The following GATAD2A variants were observed in gnomAD, a reference collection of about 807,000 sequenced individuals.
GATAD2A encodes the protein GATA zinc finger domain containing 2A, also known as transcriptional repressor p66-alpha.
Under a neutral mutation model 68.5 loss-of-function variants are expected in GATAD2A, and 12 were observed. That is an observed-to-expected ratio of 0.18 (90% CI 0.11 to 0.28). The LOEUF (loss-of-function observed/expected upper bound fraction) is 0.28. Among genes scored for constraint, GATAD2A ranks in the 10% least tolerant of loss-of-function variants. GATAD2A has a pLI of 1.00. For synonymous variants in GATAD2A, 410 were observed against 375.3 expected (o/e 1.09, Z -1.07); for missense variants, 755 against 868.5 (o/e 0.87, Z 1.64).
In GATAD2A at chr19:19,498,551, C is replaced by T; in HGVS notation, c.1033C>T (p.Gln345Ter). 1 of 1,613,934 alleles carries T rather than the reference C, an allele frequency of 6.2e-7. No individual in the cohort carries two copies. Among genetic ancestry groups the T allele is most frequent in the Non-Finnish European group, 8.5e-7 (1 of 1,180,016 alleles). The part of the protein sequence containing the change: ...VTSAESPASR[Q>*]AAAKLALRKQ... ...CTCTGCCGAGTCTCCAGCAAGCCGA[C>T]AGGCGGCCGCCAAGCTGGCGCTGCG... The change falls in exon 8 of 12, where the codon CAG (glutamine) becomes TAG (stop). Residue 345 changes from glutamine (Q) to a stop codon, truncating the protein, a stop_gained. Transcript: ENST00000683918. LOFTEE classifies it high-confidence loss of function.
intron 1 of GATAD2A, among the ~76,000 whole-genome samples, chr19:19,456,519 G>A (rs892886683): frequency 2.6e-5 from 4 of 152,274 alleles, no homozygotes; most frequent in South Asian, 2.1e-4. Context: ...CCTATCTTAC[G>A]TCATAGATGA....
intron 1 of GATAD2A, among the ~76,000 whole-genome samples, chr19:19,453,217 G>T (rs569706884): frequency 6.6e-6 from 1 of 152,150 alleles, no homozygotes; most frequent in South Asian, 2.1e-4. Flanking sequence ...GGGCTTTGGT[G>T]TGATTCTCGG....
At chr19:19,460,401 G>A (rs761807103) in intron 1 of GATAD2A, among the ~76,000 whole-genome samples, 5 of 152,172 alleles carry the variant, frequency 3.3e-5, no homozygotes, top group East Asian at 1.9e-4. Context: ...AGTGTTGGGC[G>A]CAGCTCACAG....
In GATAD2A at chr19:19,502,074, G is replaced by A. The variant is rs773316376; in HGVS notation, c.1578+31G>A. On this transcript the variant is annotated intron_variant, in intron 10 of 11. Coordinates refer to ENST00000683918, the MANE Select transcript of GATAD2A (RefSeq NM_001384528.1). ...AACCGCACTGGGCGCCGGGAGCCTC[G>A]CGCCCCCACCGCAGCCCGTGACCAC... 29 of 1,543,742 alleles carry A rather than the reference G, an allele frequency of 1.9e-5. No individual in the cohort carries two copies. In the Admixed American group the frequency reaches 3.5e-4, roughly 19 times the overall value.
intron 1 of GATAD2A, among the ~76,000 whole-genome samples, chr19:19,413,680 G>T (rs947326764): frequency 6.6e-6 from 1 of 152,220 alleles, no homozygotes; most frequent in Non-Finnish European, 1.5e-5. Context: ...CGCCTCCTGG[G>T]TTCAAGCGAT....
chr19:19,394,445 CTT>C (rs990895981), intron 1 of GATAD2A, among the ~76,000 whole-genome samples: 13 of 132,122 alleles, frequency 9.8e-5, no homozygotes, highest in Non-Finnish European at 1.3e-4. Context: ...GGGCTTTCCT[CTT>C]TTTTTTTTTT....
At chr19:19,451,063 C>A (rs1459266117) in intron 1 of GATAD2A, among the ~76,000 whole-genome samples, 1 of 152,028 alleles carries the variant, frequency 6.6e-6, no homozygotes, top group African/African-American at 2.4e-5. Context: ...AGCCACCGCA[C>A]CCGGCCGAGA....
chr19:19,501,188 C>T lies in GATAD2A; in HGVS notation c.1275C>T (p.Phe425=). 1.9e-6 allele frequency: 3 copies of T among 1,613,556 alleles called. No individual in the cohort carries two copies. Among genetic ancestry groups the T allele is most frequent in the Non-Finnish European group, 2.5e-6 (3 of 1,179,990 alleles). Residue 425 remains phenylalanine, a synonymous_variant, in exon 9 of 12, where the codon TTC becomes TTT. Coordinates refer to ENST00000683918, the MANE Select transcript of GATAD2A (RefSeq NM_001384528.1). ...TGTGTGCACAGTGCAAGACGGACTT[C>T]ACGTGCCGCTGGCGGGAGGAGAAGA... ...PYMCAQCKTD[F]TCRWREEKSG... is the part of the protein sequence containing the mutation.
rs1203259167 is a variant in GATAD2A at position 19,507,928 on chromosome 19, C to T, written c.*2454C>T. On this transcript the variant is annotated 3_prime_UTR_variant, in exon 12 of 12. Transcript: ENST00000683918. ...ACGTTTATGATGTTCCAGGTGAAGG[C>T]ATTATTAAGTACCTCTCTGGGTGTG... 1.3e-5 allele frequency: 2 copies of T among 152,208 alleles called. No individual in the cohort carries two copies. Among genetic ancestry groups the T allele is most frequent in the African/African-American group, 4.8e-5 (2 of 41,434 alleles). 9.4% of individuals were successfully genotyped at this position (152,208 alleles called of 1,614,324 possible). A position where few individuals can be genotyped will look rare whatever the true frequency, so the allele number is the denominator to read the frequency against.
intron 1 of GATAD2A, among the ~76,000 whole-genome samples, chr19:19,455,838 T>C (rs770012629): frequency 6.6e-6 from 1 of 152,084 alleles, no homozygotes; most frequent in Non-Finnish European, 1.5e-5. Flanking sequence ...CAAAATTATT[T>C]ACTGTGTAGC....
In GATAD2A at chr19:19,393,892, C is replaced by CT. The variant is rs552324397; in HGVS notation, c.-7+7767dup. Among the ~76,000 whole-genome samples, 982 of 143,170 alleles carry CT rather than the reference C, an allele frequency of 6.9e-3. 6 individuals are homozygous for CT. The highest frequency in any genetic ancestry group is 0.043 in the South Asian group (195 of 4,518). 93.9% of individuals were successfully genotyped at this position (143,170 alleles called of 152,430 possible). On this transcript the variant is annotated intron_variant, in intron 1 of 11. Transcript: ENST00000360315. Reference sequence around the variant, plus strand: ...AGCATTTTCAGGTTTGCCTTTGTTTCTTTTTTTTTTTTTGGAGACAGTCTT... The same window carrying CT: ...AGCATTTTCAGGTTTGCCTTTGTTTCTTTTTTTTTTTTTTGGAGACAGTCTT...
chr19:19,390,380 T>C (rs1162783719), intron 1 of GATAD2A, among the ~76,000 whole-genome samples: 1 of 151,946 alleles, frequency 6.6e-6, no homozygotes, highest in Non-Finnish European at 1.5e-5. Context: ...GGCTGCTTGT[T>C]GTATTCCTGG....
At chr19:19,426,236 C>A (rs1352107822) in intron 1 of GATAD2A, among the ~76,000 whole-genome samples, 1 of 152,186 alleles carries the variant, frequency 6.6e-6, no homozygotes, top group African/African-American at 2.4e-5. Context: ...CTTCGTGTGT[C>A]TAGCTTGGGT....
chr19:19,388,697 C>T (rs1053830471), intron 1 of GATAD2A, among the ~76,000 whole-genome samples: 13 of 152,122 alleles, frequency 8.5e-5, no homozygotes, highest in African/African-American at 3.1e-4. Context: ...CCCATTATCA[C>T]ACTGTCAAGC....
In GATAD2A at chr19:19,508,661, A is replaced by G. The variant is rs1303280029; in HGVS notation, c.*3187A>G. On this transcript the variant is annotated 3_prime_UTR_variant, in exon 12 of 12. Coordinates refer to ENST00000683918, the MANE Select transcript of GATAD2A (RefSeq NM_001384528.1). Reference sequence around the variant, plus strand: ...CCTAAAGAACTTGGACTGAGCTTTTAAAAAAGGACAGCAAACAATTTTATA... The same window carrying G: ...CCTAAAGAACTTGGACTGAGCTTTTGAAAAAGGACAGCAAACAATTTTATA... 6.6e-6 allele frequency: 1 copy of G among 152,232 alleles called. No individual in the cohort carries two copies. Among genetic ancestry groups the G allele is most frequent in the Non-Finnish European group, 1.5e-5 (1 of 68,048 alleles). 9.4% of individuals were successfully genotyped at this position (152,232 alleles called of 1,614,324 possible). A position where few individuals can be genotyped will look rare whatever the true frequency, so the allele number is the denominator to read the frequency against.
Position 19,429,231 on chromosome 19 carries a change from A to G in GATAD2A, c.-7+23212A>G, listed in dbSNP as rs989391801. The stretch of plus-strand genomic sequence containing the variant: ...GCAAGTTTCAGCAAAAAGTTCCAGC[A>G]TCGTGGTCCATGGTGAGGGGCTGGG... On this transcript the variant is annotated intron_variant, in intron 1 of 11. Coordinates refer to ENST00000683918, the MANE Select transcript of GATAD2A (RefSeq NM_001384528.1). 5.9e-5 allele frequency: 58 copies of G among 985,144 alleles called. No homozygotes were observed. In the Middle Eastern group the frequency reaches 1.6e-3, roughly 27 times the overall value. The allele number at this position is 985,144 out of a possible 1,614,324, so 61.0% of individuals were successfully genotyped here.
intron 2 of GATAD2A, among the ~76,000 whole-genome samples, chr19:19,487,364 A>G (rs2059508756): frequency 1.3e-5 from 2 of 152,144 alleles, no homozygotes; most frequent in Non-Finnish European, 1.5e-5. Context: ...AGGGTGCAGG[A>G]ACCTGCTTGT....
intron 2 of GATAD2A, among the ~76,000 whole-genome samples, chr19:19,477,589 G>A (rs968021902): frequency 2.0e-5 from 3 of 152,124 alleles, no homozygotes; most frequent in South Asian, 2.1e-4. Flanking sequence ...GAAGGTACAC[G>A]GTGGTAGGAG....
At chr19:19,447,626 A>G (rs2055884340) in intron 1 of GATAD2A, among the ~76,000 whole-genome samples, 1 of 152,210 alleles carries the variant, frequency 6.6e-6, no homozygotes, top group Admixed American at 6.5e-5. Context: ...GGGTAGACCC[A>G]CGGGCTGGGG....
Sources: allele counts gnomAD v4.1 joint callset (sites outside exome capture counted in the v4.1 genomes callset), GRCh38; gene constraint gnomAD v4.1.1; transcripts MANE v1.5; gene names NCBI Gene and HGNC (gene_info 2026-07-23, HGNC 2026-07-21).